Variants in HECTD4 observed in about 807,000 individuals in gnomAD.
HECTD4 encodes probable E3 ubiquitin-protein ligase HECTD4.
In HECTD4, 114 loss-of-function variants were observed where a neutral mutation model predicts 471.5. That is an observed-to-expected ratio of 0.24 (90% CI 0.21 to 0.28). The LOEUF is 0.28. Ranked by LOEUF, HECTD4 falls within the 10% of genes least tolerant of loss-of-function variation. The pLI, the probability that HECTD4 is intolerant of heterozygous loss-of-function variation, is 1.00. For missense variants in HECTD4, 3,866 were observed against 5,651.5 expected, an observed-to-expected ratio of 0.68 and a Z score of 10.13; for synonymous variants, 2,012 against 2,256.0, an observed-to-expected ratio of 0.89 and a Z score of 3.07.
At chr12:112,346,809 C>A (rs149888507) in intron 1 of HECTD4, among the ~76,000 whole-genome samples, 225 of 152,226 alleles carry the variant, frequency 1.5e-3, no homozygotes, top group Non-Finnish European at 2.8e-3. Context: ...GATTGCTCTC[C>A]TTTTTTAAAA....
intron 7 of HECTD4, among the ~76,000 whole-genome samples, chr12:112,287,450 G>A: frequency 6.6e-6 from 1 of 152,150 alleles, no homozygotes; most frequent in South Asian, 2.1e-4. Context: ...GACTCTTAGT[G>A]TGTCCATTAC....
At chr12:112,182,620 C>G (rs958112470) in intron 62 of HECTD4, among the ~76,000 whole-genome samples, 2 of 152,200 alleles carry the variant, frequency 1.3e-5, no homozygotes, top group African/African-American at 4.8e-5. Context: ...GCACTTGAAC[C>G]AGGGGAAGGC....
chr12:112,169,231 G>A (rs950985826), intron 70 of HECTD4, among the ~76,000 whole-genome samples: 12 of 152,330 alleles, frequency 7.9e-5, no homozygotes, highest in Admixed American at 2.6e-4. Context: ...CTCAGCCAGG[G>A]CCCTTCCCGG....
chr12:112,374,737 T>C (rs528608958), intron 1 of HECTD4, among the ~76,000 whole-genome samples: 4 of 152,338 alleles, frequency 2.6e-5, no homozygotes, highest in South Asian at 2.1e-4. Context: ...CCTAGGAGAA[T>C]AGACCAACAT....
intron 7 of HECTD4, among the ~76,000 whole-genome samples, chr12:112,297,359 G>T (rs946173906): frequency 6.6e-6 from 1 of 151,556 alleles, no homozygotes; most frequent in Non-Finnish European, 1.5e-5. Flanking sequence ...AGTGCAGAAG[G>T]TGTAAGTTCA....
chr12:112,381,215 G>A lies in HECTD4; in HGVS notation c.177+737C>T, dbSNP rs985442249. 1.3e-5 allele frequency among the ~76,000 whole-genome samples: 2 copies of A among 152,108 alleles called. No homozygotes were observed. The highest frequency in any genetic ancestry group is 2.9e-5 in the Non-Finnish European group (2 of 68,038). On this transcript the variant is annotated intron_variant, in intron 1 of 75. Coordinates refer to ENST00000682272, the MANE Select transcript of HECTD4 (RefSeq NM_001388303.1). This position sits in a 1 kb window ranked among gnomAD's most constrained non-coding sequence, Gnocchi z 4.1. ...CAAGGCCAAGCAGCTCAACTGATGAGATCTGCTGTTGCACCTGCCACGGCT... is the reference window on the plus strand; with the variant it reads ...CAAGGCCAAGCAGCTCAACTGATGAAATCTGCTGTTGCACCTGCCACGGCT...
intron 71 of HECTD4, 28 bp downstream of exon 71, chr12:112,167,786 G>A (rs557306133): frequency 5.9e-5 from 93 of 1,582,268 alleles, no homozygotes; most frequent in East Asian, 2.5e-4. Context: ...GCTCGGGGGC[G>A]TGGAGCCTCC....
At chr12:112,375,540 C>T (rs760293100) in intron 1 of HECTD4, among the ~76,000 whole-genome samples, 15 of 152,120 alleles carry the variant, frequency 9.9e-5, no homozygotes, top group Non-Finnish European at 4.4e-5. Context: ...CTCTTATATA[C>T]GATGCCTGCT....
intron 45 of HECTD4, among the ~76,000 whole-genome samples, chr12:112,219,137 G>T (rs1044202337): frequency 6.6e-6 from 1 of 151,840 alleles, no homozygotes; most frequent in African/African-American, 2.4e-5. Context: ...ACAGCACAAA[G>T]AAGCTATTTA....
chr12:112,369,759 G>T (rs1291250701), intron 1 of HECTD4, among the ~76,000 whole-genome samples: 1 of 152,130 alleles, frequency 6.6e-6, no homozygotes, highest in Non-Finnish European at 1.5e-5. Flanking sequence ...GGGCAATTTG[G>T]TAGTATCTAT....
At chr12:112,367,558 G>C (rs909601674) in intron 1 of HECTD4, among the ~76,000 whole-genome samples, 1 of 151,802 alleles carries the variant, frequency 6.6e-6, no homozygotes, top group African/African-American at 2.4e-5. Flanking sequence ...AGTGGCTCAC[G>C]CCTGTAATTC....
chr12:112,188,112 T>A lies in HECTD4; in HGVS notation c.9473-2619A>T, dbSNP rs1403425781. Among the ~76,000 whole-genome samples, 1 of 151,612 alleles carries A rather than the reference T, an allele frequency of 6.6e-6. No homozygotes were observed. Reference sequence around the variant, plus strand: ...GACCAGCCTGGCTAACATGGTGAAATCCTGTTTCTACTAAAAATACAAAAA... The same window carrying A: ...GACCAGCCTGGCTAACATGGTGAAAACCTGTTTCTACTAAAAATACAAAAA... On this transcript the variant is annotated intron_variant, in intron 60 of 75. Coordinates refer to ENST00000682272, the MANE Select transcript of HECTD4 (RefSeq NM_001388303.1). The surrounding 1 kb of genome is among the most constrained non-coding windows in gnomAD (Gnocchi z 4.2).
intron 7 of HECTD4, among the ~76,000 whole-genome samples, chr12:112,287,734 C>T (rs2034784680): frequency 6.6e-6 from 1 of 151,728 alleles, no homozygotes; most frequent in Non-Finnish European, 1.5e-5. Flanking sequence ...GAGTTAGAGA[C>T]CACAGTGAGA....
intron 6 of HECTD4, among the ~76,000 whole-genome samples, chr12:112,308,153 G>C (rs2035301601): frequency 6.6e-6 from 1 of 152,224 alleles, no homozygotes; most frequent in Non-Finnish European, 1.5e-5. Flanking sequence ...ATGTCTGGCA[G>C]TGTGTTATGT....
chr12:112,228,104 G>T lies in HECTD4; in HGVS notation c.6839C>A (p.Ala2280Asp), dbSNP rs761114065. Residue 2280 changes from alanine to aspartate, a missense_variant, in exon 43 of 76, where the codon GCT becomes GAT. Transcript: ENST00000682272. The surrounding 1 kb of genome is among the most constrained non-coding windows in gnomAD (Gnocchi z 4.9). The stretch of plus-strand genomic sequence containing the variant: ...GGGTACTCACCTTGTCCTTATTTCA[G>T]CAAGGAGCCGAACGACTGCCATCAC... ...APVMAVVRLL[A>D]EIRTRACLVM... is the part of the protein sequence containing the mutation. 2.5e-6 allele frequency: 4 copies of T among 1,612,308 alleles called. No individual in the cohort carries two copies. The highest frequency in any genetic ancestry group is 1.3e-5 in the African/African-American group (1 of 74,866).
At chr12:112,251,520 G>A (rs2033887106) in intron 23 of HECTD4, among the ~76,000 whole-genome samples, 1 of 152,188 alleles carries the variant, frequency 6.6e-6, no homozygotes, top group African/African-American at 2.4e-5. Flanking sequence ...GTCAATGACT[G>A]CAGTGAATTC....
At position 112,170,345 on chromosome 12, in the gene HECTD4, C is replaced by T. The variant is rs1467580838; in HGVS notation, c.12040G>A (p.Glu4014Lys). The T allele has an allele frequency of 1.2e-6, 2 of 1,613,982 alleles. No individual in the cohort carries two copies. The highest frequency in any genetic ancestry group is 1.7e-6 in the Non-Finnish European group (2 of 1,179,898). ...CAGCCAACCCCACCTCCCACAATTT[C>T]CAGTGGGTCCAAGGTGATCTCAGGG... The part of the protein sequence containing the change: ...AAPEITLDPL[E>K]IVGGEIRASE... The change falls in exon 69 of 76, where the codon GAA becomes AAA. Residue 4014 changes from glutamate to lysine, a missense_variant. Transcript: ENST00000682272.
Position 112,319,075 on chromosome 12 carries a change from C to T in HECTD4, c.695+150G>A. On this transcript the variant is annotated intron_variant, in intron 2 of 75. Transcript: ENST00000682272. This position sits in a 1 kb window ranked among gnomAD's most constrained non-coding sequence, Gnocchi z 5.3. ...AAGTTTGGTGAAAGCATCTCATGCA[C>T]TGTCAAGGCTGTGAAATTCAATACT... 1.2e-6 allele frequency: 1 copy of T among 852,636 alleles called. No individual in the cohort carries two copies. Among genetic ancestry groups the T allele is most frequent in the Non-Finnish European group, 1.8e-6 (1 of 567,726 alleles). 52.8% of individuals were successfully genotyped at this position (852,636 alleles called of 1,614,324 possible).
At chr12:112,234,981 C>A in intron 37 of HECTD4, 96 bp downstream of exon 37, 1 of 1,108,116 alleles carries the variant, frequency 9.0e-7, no homozygotes, top group Non-Finnish European at 1.3e-6. Flanking sequence ...TAAAGAGGGC[C>A]GAGGCAGTCG....
Sources: gnomAD v4.1 joint callset for allele counts (sites outside exome capture counted in the v4.1 genomes callset) on GRCh38, gnomAD v4.1.1 for gene constraint, Gnocchi (gnomAD v3.1) non-coding constraint, MANE v1.5 for transcripts, NCBI Gene and HGNC (gene_info 2026-07-23, HGNC 2026-07-21) for gene names.